The following TTC28 variants were observed in gnomAD, a reference collection of about 807,000 sequenced individuals.
TTC28 encodes the protein tetratricopeptide repeat domain 28.
TTC28 carries 61 observed loss-of-function variants against 198.0 expected under a neutral mutation model. The observed-to-expected ratio is 0.31, with a 90% CI of 0.25 to 0.38. The LOEUF is 0.38. TTC28 is among the 10% of genes least tolerant of loss of function. The probability of loss-of-function intolerance (pLI) is 1.00; values close to 1 mark genes in which losing one functional copy is unlikely to be tolerated. For synonymous variants in TTC28, 1,171 were observed against 1,297.8 expected, an observed-to-expected ratio of 0.90 and a Z score of 2.10; for missense variants, 2,678 against 3,164.0, an observed-to-expected ratio of 0.85 and a Z score of 3.69.
intron 2 of TTC28, among the ~76,000 whole-genome samples, chr22:28,490,123 T>C (rs1205022745): frequency 6.6e-6 from 1 of 152,138 alleles, no homozygotes; most frequent in Non-Finnish European, 1.5e-5. Context: ...CCCACCCAGA[T>C]TAAGATGGGT....
intron 2 of TTC28, among the ~76,000 whole-genome samples, chr22:28,556,379 C>CT (rs2049786559): frequency 6.6e-6 from 1 of 152,088 alleles, no homozygotes; most frequent in Non-Finnish European, 1.5e-5. Context: ...CCCTATTTCT[C>CT]TTTCATTCTT....
intron 8 of TTC28, among the ~76,000 whole-genome samples, chr22:28,102,852 C>A (rs536547695): frequency 2.5e-4 from 38 of 152,296 alleles, no homozygotes; most frequent in African/African-American, 8.4e-4. Context: ...AAATAATTCA[C>A]ATTTTTAAAC....
chr22:28,290,296 T>A (rs1601586934), intron 5 of TTC28, among the ~76,000 whole-genome samples: 1 of 152,086 alleles, frequency 6.6e-6, no homozygotes, highest in African/African-American at 2.4e-5. Flanking sequence ...ACAGGTACAA[T>A]GTAAGAATAG....
intron 2 of TTC28, among the ~76,000 whole-genome samples, chr22:28,446,422 T>C (rs757642850): frequency 6.6e-6 from 1 of 152,152 alleles, no homozygotes; most frequent in Non-Finnish European, 1.5e-5. Context: ...AAATCTCATG[T>C]TGAAATATAA....
intron 2 of TTC28, among the ~76,000 whole-genome samples, chr22:28,322,838 G>A (rs2045468799): frequency 1.3e-5 from 2 of 152,114 alleles, no homozygotes; most frequent in African/African-American, 4.8e-5. Context: ...TTTCCTTCTG[G>A]ATCCTCCAGA....
intron 2 of TTC28, among the ~76,000 whole-genome samples, chr22:28,359,332 CT>C (rs1295117539): frequency 2.0e-5 from 3 of 152,068 alleles, no homozygotes; most frequent in African/African-American, 7.2e-5. Flanking sequence ...AGTCATGTAC[CT>C]CACCCATTTA....
At chr22:28,356,434 T>A (rs1030218703) in intron 2 of TTC28, among the ~76,000 whole-genome samples, 1 of 152,244 alleles carries the variant, frequency 6.6e-6, no homozygotes, top group Admixed American at 6.5e-5. Flanking sequence ...GGCAGCCACA[T>A]AATTTGGCTA....
intron 2 of TTC28, among the ~76,000 whole-genome samples, chr22:28,364,416 T>C (rs1442639533): frequency 2.0e-5 from 3 of 152,174 alleles, no homozygotes; most frequent in Admixed American, 1.3e-4. Flanking sequence ...TATATCTTTA[T>C]CAGCAGCGTG....
At chr22:28,381,842 A>C (rs1025841371) in intron 2 of TTC28, among the ~76,000 whole-genome samples, 2 of 152,178 alleles carry the variant, frequency 1.3e-5, no homozygotes, top group Non-Finnish European at 1.5e-5. Context: ...TTATATTTCC[A>C]AAACATATAT....
chr22:28,081,283 C>T (rs1297077587), intron 12 of TTC28, among the ~76,000 whole-genome samples: 21 of 150,650 alleles, frequency 1.4e-4, no homozygotes, highest in African/African-American at 3.2e-4. Context: ...CAGGTTCAAG[C>T]GATTCTCATG....
chr22:28,078,557 G>A (rs1047323792), intron 12 of TTC28, among the ~76,000 whole-genome samples: 1 of 152,038 alleles, frequency 6.6e-6, no homozygotes, highest in Non-Finnish European at 1.5e-5. Flanking sequence ...ACACAGAGGG[G>A]AGCAAAGACC....
At chr22:28,555,885 A>T (rs1475819528) in intron 2 of TTC28, among the ~76,000 whole-genome samples, 1 of 152,152 alleles carries the variant, frequency 6.6e-6, no homozygotes, top group Non-Finnish European at 1.5e-5. Flanking sequence ...TAATCCCACA[A>T]ATTAGATGCT....
chr22:28,518,568 A>G (rs982822549), intron 2 of TTC28, among the ~76,000 whole-genome samples: 1 of 152,186 alleles, frequency 6.6e-6, no homozygotes, highest in African/African-American at 2.4e-5. Context: ...ATGATTCACC[A>G]CTGCACTACA....
intron 1 of TTC28, among the ~76,000 whole-genome samples, chr22:28,663,207 C>T (rs1210604013): frequency 6.7e-6 from 1 of 149,844 alleles, no homozygotes; most frequent in Non-Finnish European, 1.5e-5. Flanking sequence ...GAGATAGTGC[C>T]GCTGCACTCC....
chr22:28,272,165 T>C (rs973164527), intron 5 of TTC28, among the ~76,000 whole-genome samples: 2 of 152,208 alleles, frequency 1.3e-5, no homozygotes, highest in Non-Finnish European at 2.9e-5. Flanking sequence ...TGAATGTACA[T>C]GTATTGTCTA....
At chr22:28,225,646 A>C (rs1297929887) in intron 5 of TTC28, among the ~76,000 whole-genome samples, 4 of 152,234 alleles carry the variant, frequency 2.6e-5, no homozygotes, top group Non-Finnish European at 5.9e-5. Flanking sequence ...AAAAATAAAT[A>C]ACATATATTG....
intron 1 of TTC28, among the ~76,000 whole-genome samples, chr22:28,640,763 C>A (rs1481889416): frequency 6.6e-6 from 1 of 152,006 alleles, no homozygotes; most frequent in East Asian, 1.9e-4. Context: ...TCATACATTA[C>A]TCATGGGAAT....
intron 1 of TTC28, among the ~76,000 whole-genome samples, chr22:28,632,812 A>G (rs1201802518): frequency 6.6e-6 from 1 of 151,926 alleles, no homozygotes; most frequent in Non-Finnish European, 1.5e-5. Flanking sequence ...CTATTACAGT[A>G]TTCCCTACTT....
At chr22:28,625,167 T>TTAG (rs1158523577) in intron 2 of TTC28, among the ~76,000 whole-genome samples, 1 of 152,152 alleles carries the variant, frequency 6.6e-6, no homozygotes. Flanking sequence ...CTCCCATGAC[T>TTAG]TCTAGTCAAC....
Sources: gnomAD v4.1 joint callset for allele counts (sites outside exome capture counted in the v4.1 genomes callset) on GRCh38, gnomAD v4.1.1 for gene constraint, MANE v1.5 for transcripts, NCBI Gene and HGNC (gene_info 2026-07-23, HGNC 2026-07-21) for gene names.